The following NAV2 variants were observed in gnomAD, a reference collection of about 807,000 sequenced individuals.
NAV2 encodes neuron navigator 2, also known as helicase, APC down-regulated 1.
In NAV2, 54 loss-of-function variants were observed where a neutral mutation model predicts 223.2. That is an observed-to-expected ratio of 0.24 (90% CI 0.19 to 0.30). NAV2 has a LOEUF of 0.30. NAV2 is among the 10% of genes least tolerant of loss of function. The probability of loss-of-function intolerance (pLI) is 1.00; values close to 1 mark genes in which losing one functional copy is unlikely to be tolerated. For synonymous variants in NAV2, 1,279 were observed against 1,239.3 expected (o/e 1.03, Z -0.67); for missense variants, 2,806 against 3,147.5 (o/e 0.89, Z 2.60).
chr11:19,350,844 G>C, exon 1 of NAV2: 1 of 1,070,984 alleles, frequency 9.3e-7, no homozygotes, highest in Non-Finnish European at 1.4e-6. Context: ...TCCTTGGCTG[G>C]CGGGAACTCT....
intron 1 of NAV2, among the ~76,000 whole-genome samples, chr11:19,785,651 T>A (rs1435472687): frequency 6.6e-6 from 1 of 152,142 alleles, no homozygotes. Context: ...AGCTGGCTTT[T>A]TTTTTTTTAA....
At chr11:19,742,527 C>T (rs1033701287) in intron 1 of NAV2, among the ~76,000 whole-genome samples, 1 of 152,156 alleles carries the variant, frequency 6.6e-6, no homozygotes, top group Admixed American at 6.5e-5. Flanking sequence ...GCCTGCTACC[C>T]ACTACGTGAG....
At chr11:19,450,592 T>C (rs12271695) in intron 1 of NAV2, among the ~76,000 whole-genome samples, 54,843 of 152,054 alleles carry the variant, frequency 0.36, 10,036 homozygotes, top group Middle Eastern at 0.43. Flanking sequence ...GACAAAAATG[T>C]CCTATTAATA....
chr11:20,111,352 G>A (rs1220213455), intron 36 of NAV2, among the ~76,000 whole-genome samples: 1 of 152,220 alleles, frequency 6.6e-6, no homozygotes, highest in Non-Finnish European at 1.5e-5. Flanking sequence ...GTGTCTGTCT[G>A]TCCAGATGTC....
At chr11:19,575,795 G>A (rs1197998562) in intron 1 of NAV2, among the ~76,000 whole-genome samples, 2 of 152,208 alleles carry the variant, frequency 1.3e-5, no homozygotes, top group Non-Finnish European at 2.9e-5. Flanking sequence ...CCTAGCATGA[G>A]CTTTGGCATC....
At chr11:19,943,832 G>C (rs1368436878) in intron 8 of NAV2, among the ~76,000 whole-genome samples, 1 of 152,140 alleles carries the variant, frequency 6.6e-6, no homozygotes, top group Non-Finnish European at 1.5e-5. Context: ...TACTCTGAGG[G>C]AGAAAATATA....
chr11:19,945,307 T>C (rs1199997597), intron 8 of NAV2, among the ~76,000 whole-genome samples: 1 of 151,190 alleles, frequency 6.6e-6, no homozygotes, highest in Non-Finnish European at 1.5e-5. Flanking sequence ...GTCTTTCTCA[T>C]CTTTCTTTCC....
At chr11:19,515,085 A>C (rs1323876958) in intron 1 of NAV2, among the ~76,000 whole-genome samples, 1 of 152,236 alleles carries the variant, frequency 6.6e-6, no homozygotes, top group Non-Finnish European at 1.5e-5. Flanking sequence ...GATTTTGGGC[A>C]AATTATATAA....
intron 10 of NAV2, 103 bp from the exon 11 acceptor site, chr11:19,984,022 C>T (rs1490596308): frequency 4.0e-6 from 6 of 1,486,032 alleles, no homozygotes; most frequent in Non-Finnish European, 5.6e-6. Context: ...GTTTCTTCCC[C>T]CTTAGAGCAC....
intron 23 of NAV2, 118 bp downstream of exon 23, chr11:20,077,753 G>A (rs977053720): frequency 5.9e-5 from 52 of 877,476 alleles, no homozygotes; most frequent in Non-Finnish European, 8.9e-5. Context: ...AACTGTTAAA[G>A]TTTAATTGTA....
chr11:20,102,185 C>A (rs770307673), intron 32 of NAV2, among the ~76,000 whole-genome samples: 1 of 152,164 alleles, frequency 6.6e-6, no homozygotes, highest in Non-Finnish European at 1.5e-5. Context: ...TGGGGAGCCA[C>A]ATGCCTGGGG....
chr11:20,107,518 A>G, intron 35 of NAV2, 146 bp from the exon 36 acceptor site: 1 of 669,122 alleles, frequency 1.5e-6, no homozygotes, highest in South Asian at 1.8e-5. Flanking sequence ...ATCCAGGGCT[A>G]GTATACCTGC....
chr11:19,407,314 TGA>T (rs1849940671), intron 1 of NAV2, among the ~76,000 whole-genome samples: 1 of 152,076 alleles, frequency 6.6e-6, no homozygotes, highest in Non-Finnish European at 1.5e-5. Context: ...AGAGCCGTGC[TGA>T]GAGAGGCTGA....
intron 1 of NAV2, among the ~76,000 whole-genome samples, chr11:19,381,109 C>T (rs1848823585): frequency 6.6e-6 from 1 of 152,184 alleles, no homozygotes. Context: ...CTAACTGATT[C>T]TCCTCATCCT....
chr11:19,555,239 C>T (rs1357286964), intron 1 of NAV2, among the ~76,000 whole-genome samples: 2 of 152,180 alleles, frequency 1.3e-5, no homozygotes, highest in Non-Finnish European at 2.9e-5. Flanking sequence ...ATGAAACATG[C>T]ACGACAAAGG....
intron 1 of NAV2, among the ~76,000 whole-genome samples, chr11:19,386,882 T>C (rs2133181393): frequency 6.6e-6 from 1 of 151,482 alleles, no homozygotes; most frequent in African/African-American, 2.4e-5. Flanking sequence ...TAGGGGGAGG[T>C]GACACCCACT....
intron 1 of NAV2, among the ~76,000 whole-genome samples, chr11:19,629,430 T>C (rs1228753139): frequency 6.6e-6 from 1 of 151,922 alleles, no homozygotes; most frequent in Non-Finnish European, 1.5e-5. Flanking sequence ...AAGGCAGAAG[T>C]GGTTTCAGAC....
At chr11:20,078,138 C>T (rs778310110) in intron 24 of NAV2, 34 bp downstream of exon 24, 23 of 1,497,948 alleles carry the variant, frequency 1.5e-5, no homozygotes, top group Non-Finnish European at 2.0e-5. Context: ...AGCCAGAAGA[C>T]CTGCCTGCCC....
upstream of NAV2, among the ~76,000 whole-genome samples, chr11:19,710,361 ACTGAAT>A (rs2049828204): frequency 6.6e-6 from 1 of 152,194 alleles, no homozygotes; most frequent in Non-Finnish European, 1.5e-5. Flanking sequence ...TTCTAGACCA[ACTGAAT>A]CTGAATCTGT....
Sources: gnomAD v4.1 joint callset for allele counts (sites outside exome capture counted in the v4.1 genomes callset) on GRCh38, gnomAD v4.1.1 for gene constraint, MANE v1.5 for transcripts, NCBI Gene and HGNC (gene_info 2026-07-23, HGNC 2026-07-21) for gene names.